PDXDC1: variants seen among roughly 807,000 people sequenced by gnomAD.
PDXDC1 encodes pyridoxal-dependent decarboxylase domain-containing protein 1.
In PDXDC1, 42 loss-of-function variants were observed where a neutral mutation model predicts 100.1. The ratio of observed to expected loss-of-function variants is 0.42; its 90% CI spans 0.33 to 0.54. The LOEUF (loss-of-function observed/expected upper bound fraction) is 0.54. PDXDC1 is among the 20% of genes least tolerant of loss of function. The pLI is 0.10. For missense variants in PDXDC1, 636 were observed against 979.2 expected (o/e 0.65, Z 4.68); for synonymous variants, 260 against 371.7 (o/e 0.70, Z 3.46).
At chr16:15,111,208 G>A (rs1448908185) in intron 16 of PDXDC1, among the ~76,000 whole-genome samples, 1 of 148,918 alleles carries the variant, frequency 6.7e-6, no homozygotes, top group African/African-American at 2.4e-5. Context: ...CGTAATCCCA[G>A]CACTTTGGGA....
At chr16:15,034,985 C>T (rs956291015) in intron 21 of PDXDC1, among the ~76,000 whole-genome samples, 3 of 152,186 alleles carry the variant, frequency 2.0e-5, no homozygotes, top group African/African-American at 7.2e-5. Flanking sequence ...AGCCAGCAAG[C>T]GTTTCAGCCG....
intron 16 of PDXDC1, chr16:15,133,160 T>G: frequency 1.2e-6 from 1 of 841,866 alleles, no homozygotes; most frequent in Non-Finnish European, 1.9e-6. Flanking sequence ...GATTTATCTC[T>G]GGGGCCCGGG....
At chr16:15,096,299 G>A (rs1229883071) in intron 16 of PDXDC1, among the ~76,000 whole-genome samples, 1 of 152,028 alleles carries the variant, frequency 6.6e-6, no homozygotes, top group Non-Finnish European at 1.5e-5. Context: ...AGTAGAGACA[G>A]GGTTTCACCA....
the PDXDC1 span, among the ~76,000 whole-genome samples, chr16:15,152,039 C>T: frequency 1.3e-5 from 2 of 149,532 alleles, no homozygotes; most frequent in Non-Finnish European, 3.0e-5. Flanking sequence ...CACAGCTCTG[C>T]CCACGTCTCC....
At position 15,086,491 on chromosome 16, in the gene PDXDC1, T is replaced by C. The variant is rs531375125; in HGVS notation, c.1400-52388T>C. The C allele has an allele frequency of 1.9e-6, 3 of 1,608,384 alleles. No individual in the cohort carries two copies. In the East Asian group the frequency reaches 6.7e-5, roughly 36 times the overall value. ...CAAAGAGTACTTTCAAAATCACAAA[T>C]CCTCTAACATAACAGAAATTTACAG... On this transcript the variant is annotated intron_variant, in intron 16 of 16. Transcript: ENST00000535621.
chr16:15,066,284 G>C (rs1214906274), intron 16 of PDXDC1, among the ~76,000 whole-genome samples: 1 of 152,158 alleles, frequency 6.6e-6, no homozygotes, highest in African/African-American at 2.4e-5. Flanking sequence ...GCACTTCCGG[G>C]TGTGTGACAA....
At chr16:14,990,881 C>T (rs1449080446) in intron 1 of PDXDC1, among the ~76,000 whole-genome samples, 1 of 152,278 alleles carries the variant, frequency 6.6e-6, no homozygotes, top group Non-Finnish European at 1.5e-5. Flanking sequence ...CCTAGGACTA[C>T]AGGCATACGT....
intron 16 of PDXDC1, among the ~76,000 whole-genome samples, chr16:15,072,705 A>C (rs2045287950): frequency 6.6e-6 from 1 of 152,144 alleles, no homozygotes; most frequent in Non-Finnish European, 1.5e-5. Flanking sequence ...GTAAGGACTG[A>C]GAGTCCGTTG....
downstream of PDXDC1, chr16:15,041,197 C>T (rs368945582): frequency 7.1e-5 from 70 of 980,430 alleles, no homozygotes; most frequent in Non-Finnish European, 9.8e-5. Context: ...ATAATAAAGG[C>T]GAAGGAGGAG....
At chr16:15,054,878 AC>A (rs1314075257) in intron 16 of PDXDC1, among the ~76,000 whole-genome samples, 1 of 152,210 alleles carries the variant, frequency 6.6e-6, no homozygotes, top group Non-Finnish European at 1.5e-5. Flanking sequence ...TACAGCTGTG[AC>A]AGATGAAACC....
intron 16 of PDXDC1, chr16:15,131,221 G>A (rs1206531873): frequency 1.3e-6 from 2 of 1,591,050 alleles, no homozygotes; most frequent in South Asian, 2.2e-5. Flanking sequence ...GCCCCGGGCA[G>A]CCCAGTCCGA....
chr16:15,074,947 C>G (rs2045388517), intron 16 of PDXDC1: 1 of 1,320,564 alleles, frequency 7.6e-7, no homozygotes, highest in South Asian at 1.5e-5. Flanking sequence ...TGATTATTTC[C>G]CTTAAAAGAT....
chr16:15,141,535 C>T (rs1274850519), downstream of PDXDC1, among the ~76,000 whole-genome samples: 1 of 152,190 alleles, frequency 6.6e-6, no homozygotes, highest in Admixed American at 6.5e-5. Context: ...AGAGCCTATG[C>T]CTGTGCCCTG....
chr16:15,089,027 G>C (rs947769535), intron 16 of PDXDC1, among the ~76,000 whole-genome samples: 9 of 152,204 alleles, frequency 5.9e-5, no homozygotes, highest in African/African-American at 2.2e-4. Flanking sequence ...TCTAGGCCGG[G>C]TGGAGTGGCT....
intron 3 of PDXDC1, among the ~76,000 whole-genome samples, chr16:15,000,458 T>TC (rs1972903331): frequency 6.6e-6 from 1 of 152,284 alleles, no homozygotes; most frequent in South Asian, 2.1e-4. Flanking sequence ...CCAGAGCCCC[T>TC]CTCACTTGAA....
chr16:14,999,997 G>A (rs1205931151), intron 3 of PDXDC1, among the ~76,000 whole-genome samples: 10 of 152,404 alleles, frequency 6.6e-5, no homozygotes, highest in African/African-American at 1.9e-4. Flanking sequence ...CCAATAACAC[G>A]CTGAGATACT....
At chr16:15,047,098 A>G (rs990255380) in intron 16 of PDXDC1, 1 of 302,708 alleles carries the variant, frequency 3.3e-6, no homozygotes, top group African/African-American at 2.2e-5. Flanking sequence ...GGAAGCATTT[A>G]ACAAGCAACT....
intron 1 of PDXDC1, among the ~76,000 whole-genome samples, chr16:14,978,664 GGAT>G (rs1234132776): frequency 6.6e-6 from 1 of 152,284 alleles, no homozygotes; most frequent in African/African-American, 2.4e-5. Context: ...CAAAGTGCTG[GGAT>G]TATAAGCGTG....
Position 15,016,144 on chromosome 16 carries a change from G to A in PDXDC1, c.743G>A (p.Gly248Glu), listed in dbSNP as rs755906823. The A allele has an allele frequency of 1.2e-6, 2 of 1,614,030 alleles. No individual in the cohort carries two copies. Among genetic ancestry groups the A allele is most frequent in the Non-Finnish European group, 1.7e-6 (2 of 1,179,884 alleles). The change falls in exon 9 of 23, where the codon GGA becomes GAA. Residue 248 changes from glycine to glutamate, a missense_variant. Gly to Glu is a moderately conservative substitution (Grantham distance 98). Coordinates refer to ENST00000396410, the MANE Select transcript of PDXDC1 (RefSeq NM_015027.4). ...LVANAGTAAV[G>E]HTDKIGRLKE... ...TTTATCCTAGGAACGGCAGCAGTAG[G>A]ACACACAGACAAGATTGGGAGATTG...
Sources: gnomAD v4.1 joint callset for allele counts (sites outside exome capture counted in the v4.1 genomes callset) on GRCh38, gnomAD v4.1.1 for gene constraint, MANE v1.5 for transcripts, NCBI Gene and HGNC (gene_info 2026-07-23, HGNC 2026-07-21) for gene names.